TMPRSS11F: variants seen among roughly 807,000 people sequenced by gnomAD.
The protein encoded by TMPRSS11F is transmembrane serine protease 11F, also known as transmembrane protease serine 11F.
TMPRSS11F carries 47 observed loss-of-function variants against 60.2 expected under a neutral mutation model. The ratio of observed to expected loss-of-function variants is 0.78; its 90% CI spans 0.62 to 1.00. TMPRSS11F has a LOEUF of 1.00. TMPRSS11F is among the 50% of genes least tolerant of loss of function. The pLI, the probability that TMPRSS11F is intolerant of heterozygous loss-of-function variation, is 0.00. For synonymous variants in TMPRSS11F, 166 were observed against 167.3 expected, an observed-to-expected ratio of 0.99 and a Z score of 0.06; for missense variants, 519 against 522.9, an observed-to-expected ratio of 0.99 and a Z score of 0.07.
At chr4:68,127,432 A>G (rs1043180771) in intron 1 of TMPRSS11F, among the ~76,000 whole-genome samples, 1 of 152,108 alleles carries the variant, frequency 6.6e-6, no homozygotes, top group African/African-American at 2.4e-5. Context: ...CTTGTTGATA[A>G]CTATCTCTCT....
At chr4:68,129,290 T>G (rs943739161) in intron 1 of TMPRSS11F, among the ~76,000 whole-genome samples, 1 of 152,122 alleles carries the variant, frequency 6.6e-6, no homozygotes, top group Non-Finnish European at 1.5e-5. Context: ...TTTGATAATT[T>G]TTTACATATG....
intron 1 of TMPRSS11F, among the ~76,000 whole-genome samples, chr4:68,109,095 A>G (rs1371283762): frequency 2.6e-5 from 4 of 152,158 alleles, no homozygotes; most frequent in East Asian, 1.9e-4. Flanking sequence ...CAAAGTTTGC[A>G]TCTCCTACAC....
chr4:68,104,206 C>A (rs1422161485), intron 1 of TMPRSS11F, among the ~76,000 whole-genome samples: 1 of 152,136 alleles, frequency 6.6e-6, no homozygotes, highest in Non-Finnish European at 1.5e-5. Context: ...GGCATTCTTG[C>A]TTTTTACAGA....
intron 7 of TMPRSS11F, among the ~76,000 whole-genome samples, chr4:68,065,947 T>C (rs1179332992): frequency 6.6e-6 from 1 of 151,630 alleles, no homozygotes; most frequent in Non-Finnish European, 1.5e-5. Context: ...GAAACCCCGT[T>C]TCTACTAAAA....
At chr4:68,107,268 T>A (rs771470398) in intron 1 of TMPRSS11F, among the ~76,000 whole-genome samples, 2 of 152,210 alleles carry the variant, frequency 1.3e-5, no homozygotes, top group African/African-American at 2.4e-5. Context: ...GATATGGCCG[T>A]ACTAAGGATA....
At chr4:68,125,951 T>G (rs1263061846) in intron 1 of TMPRSS11F, among the ~76,000 whole-genome samples, 1 of 152,164 alleles carries the variant, frequency 6.6e-6, no homozygotes, top group African/African-American at 2.4e-5. Context: ...TAAAATGTTA[T>G]CATATAAACT....
chr4:68,092,744 T>A (rs1723969944), intron 2 of TMPRSS11F, among the ~76,000 whole-genome samples: 1 of 150,656 alleles, frequency 6.6e-6, no homozygotes, highest in Non-Finnish European at 1.5e-5. Flanking sequence ...AAAATTAAGA[T>A]TGATCCCAGA....
In TMPRSS11F at chr4:68,053,621, A is replaced by G. The variant is rs752425345; in HGVS notation, c.*288T>C. On this transcript the variant is annotated 3_prime_UTR_variant, in exon 10 of 10. Transcript: ENST00000356291. ...GTGGAAAATGATGTTCCTGTCTTCAATTGAGGGAAACCACTTATTTATCTT... is the reference window on the plus strand; with the variant it reads ...GTGGAAAATGATGTTCCTGTCTTCAGTTGAGGGAAACCACTTATTTATCTT... 7 of 261,778 alleles carry G rather than the reference A, an allele frequency of 2.7e-5. No individual in the cohort carries two copies. Among genetic ancestry groups the G allele is most frequent in the East Asian group, 7.1e-5 (1 of 14,108 alleles). 16.2% of individuals were successfully genotyped at this position (261,778 alleles called of 1,614,324 possible).
intron 1 of TMPRSS11F, among the ~76,000 whole-genome samples, chr4:68,102,556 T>G (rs1248559296): frequency 1.3e-5 from 2 of 152,170 alleles, no homozygotes; most frequent in African/African-American, 4.8e-5. Context: ...TAATTTACAT[T>G]TTTTTGATGA....
chr4:68,112,530 A>G (rs538257095), intron 1 of TMPRSS11F, among the ~76,000 whole-genome samples: 1 of 152,282 alleles, frequency 6.6e-6, no homozygotes, highest in African/African-American at 2.4e-5. Context: ...ATATAATTTG[A>G]TTGAGCCCAG....
At chr4:68,112,428 CTAA>C (rs1385096578) in intron 1 of TMPRSS11F, among the ~76,000 whole-genome samples, 1 of 152,048 alleles carries the variant, frequency 6.6e-6, no homozygotes, top group Non-Finnish European at 1.5e-5. Flanking sequence ...CTATTTGGGG[CTAA>C]TATTTTTATG....
chr4:68,057,802 T>G (rs2109826339), intron 9 of TMPRSS11F, among the ~76,000 whole-genome samples: 1 of 152,228 alleles, frequency 6.6e-6, no homozygotes, highest in East Asian at 1.9e-4. Flanking sequence ...TTAAACCACC[T>G]AAGTGGAATC....
intron 3 of TMPRSS11F, among the ~76,000 whole-genome samples, chr4:68,089,927 AT>A (rs1457990989): frequency 1.3e-5 from 2 of 152,114 alleles, no homozygotes; most frequent in African/African-American, 2.4e-5. Context: ...CAAATCTATG[AT>A]CTCCATAGCC....
intron 6 of TMPRSS11F, 122 bp downstream of exon 6, chr4:68,069,847 G>T: frequency 1.4e-6 from 1 of 699,942 alleles, no homozygotes; most frequent in Non-Finnish European, 2.3e-6. Flanking sequence ...TAAGTGTTCG[G>T]TTTACAAAAA....
intron 1 of TMPRSS11F, among the ~76,000 whole-genome samples, chr4:68,116,320 T>G (rs10019959): frequency 0.31 from 47,281 of 151,886 alleles, 7,509 homozygotes; most frequent in East Asian, 0.49. Context: ...GGTTTGGCAG[T>G]TTGAAATGAA....
intron 1 of TMPRSS11F, among the ~76,000 whole-genome samples, chr4:68,129,146 C>T (rs972642661): frequency 2.6e-5 from 4 of 151,980 alleles, no homozygotes; most frequent in Non-Finnish European, 5.9e-5. Flanking sequence ...TTATTCCTTT[C>T]GAAGTCTATA....
chr4:68,105,513 G>A (rs926192159), intron 1 of TMPRSS11F, among the ~76,000 whole-genome samples: 20 of 152,056 alleles, frequency 1.3e-4, no homozygotes, highest in Non-Finnish European at 2.4e-4. Context: ...GTAAAATGAA[G>A]AATAAAAGTC....
Position 68,053,380 on chromosome 4 carries a change from A to G in TMPRSS11F, c.*529T>C, listed in dbSNP as rs530161746. ...AAAATGTCAACTGTTGAGGTTAGAG[A>G]TAGTGCTCTGTATTATTAGATATAA... On this transcript the variant is annotated 3_prime_UTR_variant, in exon 10 of 10. Coordinates refer to ENST00000356291, the MANE Select transcript of TMPRSS11F (RefSeq NM_207407.2). 1 of 152,766 alleles carries G rather than the reference A, an allele frequency of 6.5e-6. No individual in the cohort carries two copies. The highest frequency in any genetic ancestry group is 6.5e-5 in the Admixed American group (1 of 15,284). The allele number at this position is 152,766 out of a possible 1,614,324, so 9.5% of individuals were successfully genotyped here.
intron 5 of TMPRSS11F, among the ~76,000 whole-genome samples, chr4:68,071,572 C>A (rs957114992): frequency 2.0e-5 from 3 of 152,126 alleles, no homozygotes; most frequent in East Asian, 1.9e-4. Context: ...CAGGTCCTGC[C>A]CTTGACATTT....
Sources: allele counts gnomAD v4.1 joint callset (sites outside exome capture counted in the v4.1 genomes callset), GRCh38; gene constraint gnomAD v4.1.1; transcripts MANE v1.5; gene names NCBI Gene and HGNC (gene_info 2026-07-23, HGNC 2026-07-21).